The following OR3A2 variants were observed in gnomAD, a reference collection of about 807,000 sequenced individuals.
OR3A2 encodes olfactory receptor 3A2.
For synonymous variants in OR3A2, 126 were observed against 159.3 expected, an observed-to-expected ratio of 0.79 and a Z score of 1.57; for missense variants, 318 against 392.8, an observed-to-expected ratio of 0.81 and a Z score of 1.61.
intron 3 of OR3A2, among the ~76,000 whole-genome samples, chr17:3,300,661 G>GCCT (rs2048955767): frequency 6.6e-6 from 1 of 151,098 alleles, no homozygotes. Flanking sequence ...ATCAAGTTTT[G>GCCT]ATGAAAATAT....
At chr17:3,340,917 T>A (rs1017648441) in intron 2 of OR3A2, among the ~76,000 whole-genome samples, 17 of 152,312 alleles carry the variant, frequency 1.1e-4, no homozygotes, top group African/African-American at 3.4e-4. Flanking sequence ...TTTGTAGATC[T>A]CTCAGGACTT....
intron 2 of OR3A2, among the ~76,000 whole-genome samples, chr17:3,368,875 A>G (rs926815165): frequency 2.0e-5 from 3 of 152,078 alleles, no homozygotes; most frequent in Admixed American, 2.0e-4. Context: ...TGAGCATGGG[A>G]TATGTTTCCG....
intron 1 of OR3A2, among the ~76,000 whole-genome samples, chr17:3,282,314 G>A (rs575165817): frequency 6.6e-6 from 1 of 152,326 alleles, no homozygotes; most frequent in South Asian, 2.1e-4. Flanking sequence ...GCTGAGGCAG[G>A]AGAATCACTT....
intron 3 of OR3A2, among the ~76,000 whole-genome samples, chr17:3,324,482 T>C (rs1220070077): frequency 6.6e-6 from 1 of 152,084 alleles, no homozygotes; most frequent in Non-Finnish European, 1.5e-5. Context: ...CTCCCCATCT[T>C]TGTGGTTTAA....
chr17:3,338,555 C>T (rs1010745059), intron 2 of OR3A2, among the ~76,000 whole-genome samples: 5 of 152,228 alleles, frequency 3.3e-5, no homozygotes, highest in African/African-American at 1.2e-4. Context: ...CTGTTTTTGT[C>T]AGGTTTATCA....
At chr17:3,321,035 T>G (rs1466729006) in intron 3 of OR3A2, among the ~76,000 whole-genome samples, 1 of 152,198 alleles carries the variant, frequency 6.6e-6, no homozygotes, top group African/African-American at 2.4e-5. Flanking sequence ...TCCATTTCTT[T>G]GTATCCTCTT....
intron 2 of OR3A2, among the ~76,000 whole-genome samples, chr17:3,339,893 G>A (rs537087989): frequency 1.3e-5 from 2 of 152,170 alleles, no homozygotes; most frequent in South Asian, 2.1e-4. Context: ...CTGTGAATCT[G>A]TCTGGTCCTG....
At chr17:3,345,595 G>A (rs369015581) in intron 2 of OR3A2, among the ~76,000 whole-genome samples, 8 of 152,118 alleles carry the variant, frequency 5.3e-5, no homozygotes, top group East Asian at 3.9e-4. Context: ...AATGAAAAAC[G>A]TGATCACAGA....
intron 1 of OR3A2, among the ~76,000 whole-genome samples, chr17:3,385,330 A>G (rs1207794695): frequency 6.6e-6 from 1 of 152,218 alleles, no homozygotes; most frequent in East Asian, 1.9e-4. Context: ...CTGGGTCCGA[A>G]TTCTGCTCCT....
intron 3 of OR3A2, among the ~76,000 whole-genome samples, chr17:3,321,574 GAGTTTTT>G (rs780781120): frequency 6.6e-6 from 1 of 152,120 alleles, no homozygotes; most frequent in African/African-American, 2.4e-5. Flanking sequence ...AATTTATTGA[GAGTTTTT>G]AGCATGAAGC....
chr17:3,330,018 G>A (rs1291152919), intron 3 of OR3A2, among the ~76,000 whole-genome samples: 13 of 146,958 alleles, frequency 8.8e-5, no homozygotes, highest in African/African-American at 1.6e-4. Context: ...GTAGTTGAGC[G>A]GTTTTGAGTG....
At chr17:3,371,311 T>C (rs879881036) in intron 2 of OR3A2, among the ~76,000 whole-genome samples, 1 of 142,718 alleles carries the variant, frequency 7.0e-6, no homozygotes, top group Non-Finnish European at 1.5e-5. Context: ...CACTTCCCAG[T>C]AGGGGCGGCC....
intron 3 of OR3A2, among the ~76,000 whole-genome samples, chr17:3,301,584 G>A (rs2048966321): frequency 1.3e-5 from 2 of 152,088 alleles, no homozygotes; most frequent in Admixed American, 6.6e-5. Context: ...TGTAGATTCT[G>A]GATATTAGCC....
At chr17:3,295,884 A>G (rs1024145469) in intron 3 of OR3A2, among the ~76,000 whole-genome samples, 1 of 152,204 alleles carries the variant, frequency 6.6e-6, no homozygotes, top group Non-Finnish European at 1.5e-5. Context: ...CGAATGTCCT[A>G]AGTATATAGC....
At chr17:3,334,942 G>A (rs1335535171) in intron 3 of OR3A2, among the ~76,000 whole-genome samples, 2 of 152,108 alleles carry the variant, frequency 1.3e-5, no homozygotes, top group African/African-American at 4.8e-5. Flanking sequence ...TCTTCAACAG[G>A]AAGGTGACAG....
At position 3,291,844 on chromosome 17, in the gene OR3A2, G is replaced by A. The variant is rs747437390; in HGVS notation, c.-84-12691C>T. The A allele has an allele frequency of 6.8e-6, 11 of 1,614,046 alleles. No individual in the cohort carries two copies. In the Admixed American group the frequency reaches 8.3e-5, roughly 12 times the overall value. ...TAGAATATGGCAACCACAGTGAGGT[G>A]GGAGCCACATGTGGAGAAGGCTTTC... On this transcript the variant is annotated intron_variant, in intron 3 of 4. Coordinates refer to the OR3A2 transcript ENST00000573491.
chr17:3,375,139 C>CTTTTTTTTTTTTTTTTTTTTT lies in OR3A2; in HGVS notation c.-179+8644_-179+8664dup, dbSNP rs552615698. On this transcript the variant is annotated intron_variant, in intron 2 of 4. Coordinates refer to the OR3A2 transcript ENST00000573491. ...TATCTGGCAATTCAGAGCCTTCTTC[C>CTTTTTTTTTTTTTTTTTTTTT]TTTTTTTTTTTTTTTTTTTTTTTTT... Among the ~76,000 whole-genome samples the CTTTTTTTTTTTTTTTTTTTTT allele has an allele frequency of 1.4e-4, 4 of 28,720 alleles. 2 individuals are homozygous for CTTTTTTTTTTTTTTTTTTTTT. The highest frequency in any genetic ancestry group is 3.7e-3 in the East Asian group (2 of 540). 18.8% of individuals were successfully genotyped at this position (28,720 alleles called of 152,430 possible).
In OR3A2 at chr17:3,333,127, C is replaced by A. The variant is rs377314054; in HGVS notation, c.-85+2906G>T. On this transcript the variant is annotated intron_variant, in intron 3 of 4. Coordinates refer to the OR3A2 transcript ENST00000573491. ...TAGCAAGGAATATTAAATATTAAGACCCTAGCAAAATAATTGCATTCCTGG... is the reference window on the plus strand; with the variant it reads ...TAGCAAGGAATATTAAATATTAAGAACCTAGCAAAATAATTGCATTCCTGG... 4.0e-3 allele frequency among the ~76,000 whole-genome samples: 613 copies of A among 152,226 alleles called. 15 individuals carry two copies. In the South Asian group the frequency reaches 0.054, roughly 14 times the overall value.
At chr17:3,325,953 C>G (rs748743887) in intron 3 of OR3A2, among the ~76,000 whole-genome samples, 32 of 152,026 alleles carry the variant, frequency 2.1e-4, no homozygotes, top group Non-Finnish European at 4.3e-4. Flanking sequence ...CCCTACTCCC[C>G]CTGAAGGTTC....
Sources: allele counts gnomAD v4.1 joint callset (sites outside exome capture counted in the v4.1 genomes callset), GRCh38; gene constraint gnomAD v4.1.1; transcripts MANE v1.5; gene names NCBI Gene and HGNC (gene_info 2026-07-23, HGNC 2026-07-21).